The following DPY19L1 variants were observed in gnomAD, a reference collection of about 807,000 sequenced individuals.
The protein encoded by DPY19L1 is protein C-mannosyl-transferase DPY19L1.
In DPY19L1, 35 loss-of-function variants were observed where a neutral mutation model predicts 96.9. The ratio of observed to expected loss-of-function variants is 0.36; its 90% CI spans 0.28 to 0.48. The LOEUF is 0.48. Among genes scored for constraint, DPY19L1 ranks in the 20% least tolerant of loss-of-function variants. DPY19L1 has a pLI of 0.99. For missense variants in DPY19L1, 521 were observed against 777.9 expected, an observed-to-expected ratio of 0.67 and a Z score of 3.93; for synonymous variants, 205 against 252.6, an observed-to-expected ratio of 0.81 and a Z score of 1.79.
At chr7:34,950,427 A>T (rs969866640) in intron 13 of DPY19L1, among the ~76,000 whole-genome samples, 1 of 152,180 alleles carries the variant, frequency 6.6e-6, no homozygotes, top group African/African-American at 2.4e-5. Flanking sequence ...AAGGATTCTC[A>T]CTCACACTGC....
chr7:35,014,608 T>C (rs578111885), intron 3 of DPY19L1, among the ~76,000 whole-genome samples: 150 of 152,246 alleles, frequency 9.9e-4, no homozygotes, highest in African/African-American at 3.5e-3. Flanking sequence ...CAGAAACTTA[T>C]TGAAAAAGAA....
At chr7:34,995,870 G>C (rs1211601583) in intron 6 of DPY19L1, among the ~76,000 whole-genome samples, 10 of 146,770 alleles carry the variant, frequency 6.8e-5, no homozygotes, top group Non-Finnish European at 1.1e-4. Flanking sequence ...ATGCCAAGCA[G>C]GCCTGGTTCA....
At chr7:35,003,832 G>A (rs1785488772) in intron 6 of DPY19L1, among the ~76,000 whole-genome samples, 1 of 152,252 alleles carries the variant, frequency 6.6e-6, no homozygotes, top group Non-Finnish European at 1.5e-5. Flanking sequence ...CCAGTGTACT[G>A]TAGTCTCTCA....
chr7:35,030,676 A>T (rs965485266), intron 1 of DPY19L1, among the ~76,000 whole-genome samples: 1 of 152,210 alleles, frequency 6.6e-6, no homozygotes, highest in African/African-American at 2.4e-5. Flanking sequence ...CTCAGGAAAA[A>T]AATAATAGTG....
intron 9 of DPY19L1, among the ~76,000 whole-genome samples, chr7:34,967,817 A>C (rs1185935862): frequency 6.6e-6 from 1 of 152,174 alleles, no homozygotes; most frequent in Non-Finnish European, 1.5e-5. Flanking sequence ...ATCAATCTAC[A>C]ACAAATTTTT....
intron 6 of DPY19L1, among the ~76,000 whole-genome samples, chr7:34,990,284 T>A (rs746941686): frequency 6.6e-6 from 1 of 152,202 alleles, no homozygotes; most frequent in Admixed American, 6.5e-5. Context: ...TTTATTTATG[T>A]CCTTCAACAT....
At chr7:34,962,180 T>G (rs1035441314) in intron 10 of DPY19L1, among the ~76,000 whole-genome samples, 10 of 152,348 alleles carry the variant, frequency 6.6e-5, no homozygotes, top group Admixed American at 6.5e-4. Flanking sequence ...TGCCCAAACT[T>G]GGAGTTAACC....
At chr7:35,003,481 C>T (rs1435248977) in intron 6 of DPY19L1, among the ~76,000 whole-genome samples, 2 of 152,240 alleles carry the variant, frequency 1.3e-5, no homozygotes, top group African/African-American at 4.8e-5. Flanking sequence ...CTGCTGGCAT[C>T]AGTTAAAGAC....
intron 20 of DPY19L1, among the ~76,000 whole-genome samples, chr7:34,938,626 A>C (rs1335193100): frequency 6.6e-6 from 1 of 152,208 alleles, no homozygotes; most frequent in Non-Finnish European, 1.5e-5. Context: ...TTAATGAAAA[A>C]GCTTATTTGT....
At chr7:34,946,737 C>T (rs1784154857) in intron 15 of DPY19L1, among the ~76,000 whole-genome samples, 1 of 152,210 alleles carries the variant, frequency 6.6e-6, no homozygotes, top group Admixed American at 6.5e-5. Context: ...GCCCGAGTCT[C>T]ACTCTTCCCT....
At chr7:35,027,524 T>C (rs986081419) in intron 1 of DPY19L1, among the ~76,000 whole-genome samples, 1 of 151,960 alleles carries the variant, frequency 6.6e-6, no homozygotes, top group Non-Finnish European at 1.5e-5. Context: ...AGAAGCAAGA[T>C]TGCTTTTAAA....
At chr7:34,976,050 A>C (rs1487484664) in intron 7 of DPY19L1, among the ~76,000 whole-genome samples, 1 of 152,206 alleles carries the variant, frequency 6.6e-6, no homozygotes, top group African/African-American at 2.4e-5. Context: ...TGAAGCAAGG[A>C]GTCATTTCAA....
At chr7:35,008,610 T>A (rs1473677378) in intron 6 of DPY19L1, among the ~76,000 whole-genome samples, 4 of 152,220 alleles carry the variant, frequency 2.6e-5, no homozygotes, top group Admixed American at 1.3e-4. Flanking sequence ...GGAGGACTGC[T>A]TGAAGCCAGT....
chr7:34,945,618 T>C, intron 16 of DPY19L1, 49 bp downstream of exon 16: 3 of 1,261,676 alleles, frequency 2.4e-6, no homozygotes, highest in Non-Finnish European at 3.4e-6. Context: ...TAAATATCTA[T>C]TTAATAAATG....
chr7:35,002,585 G>C (rs1445881869), intron 6 of DPY19L1, among the ~76,000 whole-genome samples: 1 of 152,026 alleles, frequency 6.6e-6, no homozygotes, highest in African/African-American at 2.4e-5. Flanking sequence ...AAGTGTCCAA[G>C]AGAACACATG....
At chr7:35,033,826 T>A (rs2128684601) in intron 1 of DPY19L1, among the ~76,000 whole-genome samples, 1 of 152,130 alleles carries the variant, frequency 6.6e-6, no homozygotes, top group East Asian at 1.9e-4. Flanking sequence ...TGGTCCCAAA[T>A]GACACAATTT....
At chr7:34,948,698 T>A (rs770998734) in intron 14 of DPY19L1, among the ~76,000 whole-genome samples, 8 of 152,170 alleles carry the variant, frequency 5.3e-5, no homozygotes, top group African/African-American at 1.9e-4. Context: ...TCTCTAATAT[T>A]TGAAGGAGTC....
intron 6 of DPY19L1, among the ~76,000 whole-genome samples, chr7:34,992,980 A>G (rs1405371918): frequency 6.6e-6 from 1 of 152,156 alleles, no homozygotes; most frequent in East Asian, 1.9e-4. Flanking sequence ...GTCTGACTTC[A>G]TTCCTTTGGA....
intron 10 of DPY19L1, among the ~76,000 whole-genome samples, chr7:34,959,918 T>TGTTTATTTGTATATAA (rs1784461948): frequency 6.1e-5 from 1 of 16,520 alleles, no homozygotes; most frequent in African/African-American, 2.5e-4. Context: ...TATATATATA[T>TGTTTATTTGTATATAA]ATATATTTAT....
Sources: gnomAD v4.1 joint callset for allele counts (sites outside exome capture counted in the v4.1 genomes callset) on GRCh38, gnomAD v4.1.1 for gene constraint, MANE v1.5 for transcripts, NCBI Gene and HGNC (gene_info 2026-07-23, HGNC 2026-07-21) for gene names.